The following IARS1 variants were observed in gnomAD, a reference collection of about 807,000 sequenced individuals.
IARS1 encodes the protein isoleucine--tRNA ligase, cytoplasmic.
IARS1 carries 124 observed loss-of-function variants against 168.2 expected under a neutral mutation model. That is an observed-to-expected ratio of 0.74 (90% CI 0.64 to 0.86). The LOEUF (loss-of-function observed/expected upper bound fraction) is 0.86, where lower values mean the gene tolerates loss of function less well. IARS1 is among the 40% of genes least tolerant of loss of function. IARS1 has a pLI of 0.00. For synonymous variants in IARS1, 532 were observed against 529.4 expected, an observed-to-expected ratio of 1.00 and a Z score of -0.07; for missense variants, 1,452 against 1,515.8, an observed-to-expected ratio of 0.96 and a Z score of 0.70.
At chr9:92,234,166 G>T (rs928379862) in intron 30 of IARS1, among the ~76,000 whole-genome samples, 3 of 151,826 alleles carry the variant, frequency 2.0e-5, no homozygotes, top group African/African-American at 7.3e-5. Context: ...ATTCATTTTT[G>T]TATGTTTATC....
intron 33 of IARS1, among the ~76,000 whole-genome samples, chr9:92,214,710 C>A (rs181586257): frequency 0.023 from 3,577 of 152,318 alleles, 90 homozygotes; most frequent in South Asian, 0.12. Flanking sequence ...TGCGCTTTTC[C>A]GATGGGCTTA....
In IARS1 at chr9:92,280,905, T is replaced by A; in HGVS notation, c.598-12A>T. 1 of 1,593,316 alleles carries A rather than the reference T, an allele frequency of 6.3e-7. No individual in the cohort carries two copies. The highest frequency in any genetic ancestry group is 8.6e-7 in the Non-Finnish European group (1 of 1,164,288). On this transcript the variant is annotated splice_polypyrimidine_tract_variant and intron_variant, in intron 6 of 33. Coordinates refer to ENST00000443024, the MANE Select transcript of IARS1 (RefSeq NM_002161.6). The stretch of plus-strand genomic sequence containing the variant: ...GGATCTTGAACATCCTGAAATAAAT[T>A]GAGGTAAAGTATTGTTTTAGAAATC...
At chr9:92,289,671 A>G (rs966191885) in intron 1 of IARS1, among the ~76,000 whole-genome samples, 1 of 152,204 alleles carries the variant, frequency 6.6e-6, no homozygotes, top group East Asian at 1.9e-4. Flanking sequence ...CCCCACCAAA[A>G]CACCCCAAAA....
In IARS1 at chr9:92,288,262, G is replaced by A; in HGVS notation, c.140C>T (p.Pro47Leu). 6.2e-7 allele frequency: 1 copy of A among 1,613,838 alleles called. No homozygotes were observed. Among genetic ancestry groups the A allele is most frequent in the Non-Finnish European group, 8.5e-7 (1 of 1,179,920 alleles). ...HKPKFTFYDG[P>L]PFATGLPHYG... ...GTGAGGCAGTCCAGTTGCAAAAGGA[G>A]GACCATCATAGAAGGTAAATCTAAC... The change falls in exon 3 of 34, where the codon CCT (proline) becomes CTT (leucine). Residue 47 changes from proline to leucine, a missense_variant. Transcript: ENST00000443024.
rs532903250 is a variant in IARS1 at position 92,230,767 on chromosome 9, C to T, written c.3284-1641G>A. On this transcript the variant is annotated intron_variant, in intron 30 of 33. Transcript: ENST00000443024. ...TGAGATACAGCATTTGGTGCTGTCA[C>T]TACTTGCAATTTTAGTCATTGTGAT... Among the ~76,000 whole-genome samples the T allele has an allele frequency of 2.0e-4, 30 of 152,342 alleles. No homozygotes were observed. In the East Asian group the frequency reaches 3.7e-3, roughly 19 times the overall value.
intron 33 of IARS1, among the ~76,000 whole-genome samples, chr9:92,222,143 C>T (rs1475034461): frequency 6.7e-6 from 1 of 148,850 alleles, no homozygotes; most frequent in Admixed American, 6.8e-5. Flanking sequence ...CATGGTGAAA[C>T]CCCGTCTCTA....
intron 6 of IARS1, among the ~76,000 whole-genome samples, chr9:92,282,104 T>C (rs1303048897): frequency 6.6e-6 from 1 of 152,102 alleles, no homozygotes; most frequent in Non-Finnish European, 1.5e-5. Context: ...TTACTGATTT[T>C]AGGAAATATA....
chr9:92,227,346 C>T (rs1379622514), intron 31 of IARS1, among the ~76,000 whole-genome samples: 3 of 151,536 alleles, frequency 2.0e-5, no homozygotes, highest in South Asian at 2.1e-4. Context: ...GGGTGGTGGC[C>T]GGGCAGAGGT....
At chr9:92,251,180 C>T (rs970730255) in intron 22 of IARS1, 11 of 463,296 alleles carry the variant, frequency 2.4e-5, no homozygotes, top group Non-Finnish European at 4.7e-5. Flanking sequence ...ATACCCCCTG[C>T]TTCACAGGAT....
At chr9:92,266,751 G>T (rs1174399210) in intron 14 of IARS1, among the ~76,000 whole-genome samples, 3 of 152,084 alleles carry the variant, frequency 2.0e-5, no homozygotes, top group Non-Finnish European at 2.9e-5. Flanking sequence ...TTCTTCTCTT[G>T]CCATGTGATT....
intron 21 of IARS1, chr9:92,252,538 C>T: frequency 2.4e-6 from 1 of 409,834 alleles, no homozygotes; most frequent in South Asian, 1.8e-5. Flanking sequence ...AGGCTGAGGC[C>T]AGTGGATCAC....
intron 22 of IARS1, chr9:92,251,226 AC>A (rs1362435723): frequency 4.3e-6 from 2 of 459,798 alleles, no homozygotes; most frequent in East Asian, 1.4e-4. Context: ...AGCACCAGGC[AC>A]AGCACCTTGT....
At chr9:92,268,574 A>AC (rs926151444) in intron 13 of IARS1, among the ~76,000 whole-genome samples, 5 of 152,008 alleles carry the variant, frequency 3.3e-5, no homozygotes, top group African/African-American at 1.2e-4. Flanking sequence ...CATACCTCTA[A>AC]CCAGTCACCT....
intron 6 of IARS1, among the ~76,000 whole-genome samples, chr9:92,283,316 A>G (rs916193584): frequency 1.3e-5 from 2 of 152,198 alleles, no homozygotes; most frequent in African/African-American, 4.8e-5. Flanking sequence ...AAAGTTTCCC[A>G]ACCTCAGTAT....
At chr9:92,250,589 T>G in intron 23 of IARS1, 124 bp downstream of exon 23, 3 of 1,112,300 alleles carry the variant, frequency 2.7e-6, no homozygotes, top group Non-Finnish European at 3.8e-6. Flanking sequence ...GGAGTTCATG[T>G]CAGCTGGGGC....
chr9:92,274,251 A>C (rs760497466), intron 10 of IARS1, among the ~76,000 whole-genome samples, 175 bp downstream of exon 10: 3 of 152,202 alleles, frequency 2.0e-5, no homozygotes. Context: ...TCTTTCCAGA[A>C]ATCAGCTTAG....
intron 24 of IARS1, 104 bp from the exon 25 acceptor site, chr9:92,250,045 C>T (rs1014015550): frequency 1.1e-6 from 1 of 876,114 alleles, no homozygotes; most frequent in African/African-American, 1.7e-5. Context: ...TCTAGTCAGG[C>T]TGGACTAGTA....
chr9:92,241,589 G>A (rs753978920), intron 29 of IARS1, among the ~76,000 whole-genome samples: 18 of 152,070 alleles, frequency 1.2e-4, no homozygotes, highest in African/African-American at 2.2e-4. Context: ...CGATCTGCTC[G>A]CCTTGGCCTC....
intron 11 of IARS1, among the ~76,000 whole-genome samples, chr9:92,271,281 C>T (rs1238612349): frequency 1.3e-5 from 2 of 152,100 alleles, no homozygotes; most frequent in Non-Finnish European, 2.9e-5. Context: ...AATGACAACC[C>T]CAAGGTCACA....
Sources: gnomAD v4.1 joint callset for allele counts (sites outside exome capture counted in the v4.1 genomes callset) on GRCh38, gnomAD v4.1.1 for gene constraint, MANE v1.5 for transcripts, NCBI Gene and HGNC (gene_info 2026-07-23, HGNC 2026-07-21) for gene names.